Variants in APBA2 observed in about 807,000 individuals in gnomAD.
APBA2 encodes the protein amyloid-beta A4 precursor protein-binding family A member 2.
In APBA2, 30 loss-of-function variants were observed where a neutral mutation model predicts 75.0. The ratio of observed to expected loss-of-function variants is 0.40; its 90% CI spans 0.30 to 0.54. The LOEUF (loss-of-function observed/expected upper bound fraction) is 0.54, where lower values mean the gene tolerates loss of function less well. Among genes scored for constraint, APBA2 ranks in the 20% least tolerant of loss-of-function variants. The pLI is 0.49. For missense variants in APBA2, 801 were observed against 1,016.1 expected, an observed-to-expected ratio of 0.79 and a Z score of 2.88; for synonymous variants, 444 against 409.6, an observed-to-expected ratio of 1.08 and a Z score of -1.01.
At chr15:28,980,484 C>T (rs1321112791) in intron 2 of APBA2, among the ~76,000 whole-genome samples, 3 of 152,098 alleles carry the variant, frequency 2.0e-5, no homozygotes, top group Admixed American at 6.6e-5. Flanking sequence ...CATTTACAAT[C>T]GCCACACACA....
chr15:28,994,526 G>T (rs975757149), intron 2 of APBA2, among the ~76,000 whole-genome samples: 1 of 152,162 alleles, frequency 6.6e-6, no homozygotes, highest in Admixed American at 6.5e-5. Context: ...AGCAGGTTAC[G>T]GCTCTGCAGC....
intron 2 of APBA2, among the ~76,000 whole-genome samples, chr15:28,966,971 TC>T (rs2036772628): frequency 2.0e-5 from 3 of 152,218 alleles, no homozygotes; most frequent in Admixed American, 2.0e-4. Context: ...GAGTACCTTA[TC>T]GTATGACATA....
At chr15:28,886,737 C>T (rs1210330016) in intron 1 of APBA2, among the ~76,000 whole-genome samples, 1 of 152,186 alleles carries the variant, frequency 6.6e-6, no homozygotes, top group African/African-American at 2.4e-5. Context: ...AGAACCCAAG[C>T]CCAGATCTTC....
intron 10 of APBA2, among the ~76,000 whole-genome samples, chr15:29,103,872 C>T (rs1306507306): frequency 6.6e-6 from 1 of 152,234 alleles, no homozygotes; most frequent in Non-Finnish European, 1.5e-5. Context: ...TGCCCCCGGC[C>T]CTCCTGCCGA....
intron 2 of APBA2, among the ~76,000 whole-genome samples, chr15:28,994,748 A>C (rs996525985): frequency 6.6e-6 from 1 of 152,172 alleles, no homozygotes; most frequent in Non-Finnish European, 1.5e-5. Flanking sequence ...TGAGTAGACT[A>C]AACCTTTGTG....
intron 2 of APBA2, among the ~76,000 whole-genome samples, chr15:28,939,669 C>T (rs2035078726): frequency 6.6e-6 from 1 of 152,186 alleles, no homozygotes; most frequent in African/African-American, 2.4e-5. Context: ...TGTGATCTCA[C>T]CTTGGAAACG....
chr15:29,008,227 C>T (rs918400372), intron 3 of APBA2, among the ~76,000 whole-genome samples: 7 of 151,964 alleles, frequency 4.6e-5, no homozygotes, highest in Admixed American at 2.0e-4. Context: ...TTGCCAGGGG[C>T]TAGAAGGAGA....
At chr15:28,996,349 C>T (rs952584350) in intron 3 of APBA2, among the ~76,000 whole-genome samples, 1 of 152,182 alleles carries the variant, frequency 6.6e-6, no homozygotes, top group Non-Finnish European at 1.5e-5. Flanking sequence ...GAGGCCTCCT[C>T]ATCTTGCCAG....
intron 4 of APBA2, among the ~76,000 whole-genome samples, chr15:29,055,918 A>G (rs1343810711): frequency 4.6e-5 from 7 of 152,158 alleles, no homozygotes; most frequent in Admixed American, 4.6e-4. Flanking sequence ...AGGAGCTCCC[A>G]TGGTACTAGT....
chr15:29,087,974 C>A (rs1156544027), intron 6 of APBA2, among the ~76,000 whole-genome samples: 1 of 152,198 alleles, frequency 6.6e-6, no homozygotes, highest in East Asian at 1.9e-4. Flanking sequence ...CATCTATCCA[C>A]ACCACCCCGC....
rs779844889 is a variant in APBA2, at chr15:28,973,614, T to G, written c.-94-22139T>G. On this transcript the variant is annotated intron_variant, in intron 2 of 14. Coordinates refer to ENST00000683413, the MANE Select transcript of APBA2 (RefSeq NM_001353788.2). ...AACTTTGGCGAAGGCACTGATAGTATTTTTACACTTAAACAAGTATTTTAA... is the reference window on the plus strand; with the variant it reads ...AACTTTGGCGAAGGCACTGATAGTAGTTTTACACTTAAACAAGTATTTTAA... Among the ~76,000 whole-genome samples the G allele has an allele frequency of 1.5e-3, 233 of 152,288 alleles. 3 individuals carry two copies. Among genetic ancestry groups the G allele is most frequent in the Non-Finnish European group, 9.4e-4 (64 of 68,032 alleles).
intron 4 of APBA2, among the ~76,000 whole-genome samples, chr15:29,071,328 T>C (rs2042613563): frequency 1.3e-5 from 2 of 152,106 alleles, no homozygotes; most frequent in Non-Finnish European, 2.9e-5. Flanking sequence ...TCCCGTGTGC[T>C]GTGAAGAGTC....
chr15:29,033,763 A>G (rs1039422535), intron 3 of APBA2, among the ~76,000 whole-genome samples: 4 of 152,090 alleles, frequency 2.6e-5, no homozygotes, highest in African/African-American at 9.7e-5. Flanking sequence ...GATCGAGACC[A>G]TCCTGGCTAA....
intron 2 of APBA2, among the ~76,000 whole-genome samples, chr15:28,945,386 G>C (rs941033904): frequency 6.6e-6 from 1 of 152,094 alleles, no homozygotes; most frequent in African/African-American, 2.4e-5. Flanking sequence ...GATGTCGTTG[G>C]GATGGTTTTG....
At chr15:29,001,542 C>T (rs1313985479) in intron 3 of APBA2, among the ~76,000 whole-genome samples, 1 of 152,172 alleles carries the variant, frequency 6.6e-6, no homozygotes, top group Admixed American at 6.5e-5. Context: ...ACCTTCCCAT[C>T]TGCAAAGTGG....
intron 2 of APBA2, among the ~76,000 whole-genome samples, chr15:28,968,387 C>T (rs117567854): frequency 8.4e-4 from 128 of 152,246 alleles, no homozygotes; most frequent in Non-Finnish European, 1.2e-3. Flanking sequence ...CCTGTCTTTT[C>T]CTTACAAACA....
chr15:28,949,257 A>T (rs1848583932), intron 2 of APBA2, among the ~76,000 whole-genome samples: 1 of 152,098 alleles, frequency 6.6e-6, no homozygotes, highest in Non-Finnish European at 1.5e-5. Context: ...GTGTGTATTC[A>T]TGTGTGCATC....
chr15:29,007,685 A>G lies in APBA2; in HGVS notation c.-41+11879A>G, dbSNP rs1348633296. Among the ~76,000 whole-genome samples, 4 of 152,166 alleles carry G rather than the reference A, an allele frequency of 2.6e-5. No individual in the cohort carries two copies. In the South Asian group the frequency reaches 6.2e-4, roughly 24 times the overall value. Reference sequence around the variant, plus strand: ...TCGAAATCACAAGATACCACCTCATATCTATTAGGCCGGCTATTACAAAAC... The same window carrying G: ...TCGAAATCACAAGATACCACCTCATGTCTATTAGGCCGGCTATTACAAAAC... On this transcript the variant is annotated intron_variant, in intron 3 of 14. Transcript: ENST00000683413.
In APBA2 at chr15:28,983,174, A is replaced by G. The variant is rs570024176; in HGVS notation, c.-94-12579A>G. On this transcript the variant is annotated intron_variant, in intron 2 of 14. Coordinates refer to ENST00000683413, the MANE Select transcript of APBA2 (RefSeq NM_001353788.2). ...ACCTGCATGAATTCTGAGGTTGGGAAGGTGTAAACATTTCCCTCAACACCT... is the reference window on the plus strand; with the variant it reads ...ACCTGCATGAATTCTGAGGTTGGGAGGGTGTAAACATTTCCCTCAACACCT... Among the ~76,000 whole-genome samples, 129 of 152,254 alleles carry G rather than the reference A, an allele frequency of 8.5e-4. 2 individuals are homozygous for G. The South Asian group carries it at 0.022, about 26-fold the overall frequency.
Sources: gnomAD v4.1 joint callset for allele counts (sites outside exome capture counted in the v4.1 genomes callset) on GRCh38, gnomAD v4.1.1 for gene constraint, MANE v1.5 for transcripts, NCBI Gene and HGNC (gene_info 2026-07-23, HGNC 2026-07-21) for gene names.